HSPA12A: variants seen among roughly 807,000 people sequenced by gnomAD.
The protein encoded by HSPA12A is heat shock protein family A (Hsp70) member 12A.
Under a neutral mutation model 69.2 loss-of-function variants are expected in HSPA12A, and 28 were observed. That is an observed-to-expected ratio of 0.40 (90% CI 0.30 to 0.55). The LOEUF is 0.55. HSPA12A is among the 20% of genes least tolerant of loss of function. HSPA12A has a pLI of 0.38. For missense variants in HSPA12A, 686 were observed against 900.7 expected (o/e 0.76, Z 3.05); for synonymous variants, 345 against 370.5 (o/e 0.93, Z 0.79).
At chr10:116,727,232 G>A (rs945198986) in intron 1 of HSPA12A, among the ~76,000 whole-genome samples, 13 of 152,130 alleles carry the variant, frequency 8.5e-5, no homozygotes, top group African/African-American at 3.1e-4. Context: ...CTCACCTGGG[G>A]TCAACTCATA....
At chr10:116,701,488 A>G (rs1850074419) in intron 3 of HSPA12A, among the ~76,000 whole-genome samples, 1 of 152,248 alleles carries the variant, frequency 6.6e-6, no homozygotes, top group Admixed American at 6.5e-5. Context: ...CAAGCACTCA[A>G]TAGCAGATAT....
chr10:116,823,333 T>C (rs1334014646), intron 2 of HSPA12A, among the ~76,000 whole-genome samples: 2 of 152,158 alleles, frequency 1.3e-5, no homozygotes, highest in Non-Finnish European at 2.9e-5. Context: ...GGTTCATGGA[T>C]GAGAAGATTT....
intron 10 of HSPA12A, among the ~76,000 whole-genome samples, chr10:116,679,276 A>G (rs1386759961): frequency 6.6e-6 from 1 of 152,236 alleles, no homozygotes; most frequent in Non-Finnish European, 1.5e-5. Flanking sequence ...AGCACCCAAC[A>G]TGTATGAATT....
At chr10:116,815,404 T>C (rs1159895811) in intron 2 of HSPA12A, among the ~76,000 whole-genome samples, 1 of 152,038 alleles carries the variant, frequency 6.6e-6, no homozygotes, top group Admixed American at 6.6e-5. Flanking sequence ...CATTTCCACA[T>C]GTAATTTTCT....
chr10:116,763,267 T>C (rs914129239), intron 2 of HSPA12A, among the ~76,000 whole-genome samples: 9 of 152,216 alleles, frequency 5.9e-5, no homozygotes, highest in Non-Finnish European at 1.3e-4. Context: ...TTTGCTTTTC[T>C]ATCTCAATGT....
intron 1 of HSPA12A, among the ~76,000 whole-genome samples, chr10:116,842,194 T>G (rs1845812989): frequency 6.6e-6 from 1 of 152,186 alleles, no homozygotes; most frequent in African/African-American, 2.4e-5. Flanking sequence ...TTATTAATAC[T>G]CATTCAAGTG....
At chr10:116,696,134 A>T (rs1554880864) in intron 5 of HSPA12A, among the ~76,000 whole-genome samples, 1 of 152,030 alleles carries the variant, frequency 6.6e-6, no homozygotes, top group Non-Finnish European at 1.5e-5. Flanking sequence ...CTCACCAGAC[A>T]CCAAACCCAC....
At chr10:116,691,055 C>G (rs1457469686) in intron 6 of HSPA12A, among the ~76,000 whole-genome samples, 3 of 152,212 alleles carry the variant, frequency 2.0e-5, no homozygotes, top group African/African-American at 7.2e-5. Flanking sequence ...AATGGCTAAA[C>G]TGCATTTTGT....
chr10:116,835,742 A>G (rs1245987607), intron 1 of HSPA12A, among the ~76,000 whole-genome samples: 1 of 152,206 alleles, frequency 6.6e-6, no homozygotes, highest in African/African-American at 2.4e-5. Context: ...TTGGAATGCA[A>G]GAATTCAGCT....
In HSPA12A at chr10:116,735,546, G is replaced by A. The variant is rs942667339; in HGVS notation, c.40+6884C>T. ...ACCATGTGGAGAACGAAGCCCAGCCGACAGCCAGCACCAACCCCCAGACCT... is the reference window on the plus strand; with the variant it reads ...ACCATGTGGAGAACGAAGCCCAGCCAACAGCCAGCACCAACCCCCAGACCT... On this transcript the variant is annotated intron_variant, in intron 1 of 11. Transcript: ENST00000369209. 2.0e-5 allele frequency among the ~76,000 whole-genome samples: 3 copies of A among 152,132 alleles called. 1 individual carries two copies. The highest frequency in any genetic ancestry group is 4.4e-5 in the Non-Finnish European group (3 of 68,024).
intron 1 of HSPA12A, among the ~76,000 whole-genome samples, chr10:116,712,288 C>T (rs910544582): frequency 2.6e-5 from 4 of 152,112 alleles, no homozygotes; most frequent in South Asian, 4.2e-4. Flanking sequence ...CACCCCAACA[C>T]ATTAAACAAT....
intron 1 of HSPA12A, among the ~76,000 whole-genome samples, chr10:116,740,326 G>T (rs183236006): frequency 6.6e-6 from 1 of 152,302 alleles, no homozygotes; most frequent in East Asian, 1.9e-4. Context: ...CAGCAATGAG[G>T]AAACCTTAGA....
At chr10:116,846,330 TC>T (rs1845881007) in intron 1 of HSPA12A, among the ~76,000 whole-genome samples, 4 of 150,502 alleles carry the variant, frequency 2.7e-5, no homozygotes, top group Admixed American at 2.0e-4. Context: ...ATTTTTCTTT[TC>T]TTTTTTTTTT....
chr10:116,827,105 A>G (rs1320667401), intron 2 of HSPA12A, among the ~76,000 whole-genome samples: 1 of 152,194 alleles, frequency 6.6e-6, no homozygotes, highest in Non-Finnish European at 1.5e-5. Flanking sequence ...ACCCACACAC[A>G]CTGGGGAAAA....
At chr10:116,684,437 C>A (rs868967318) in intron 6 of HSPA12A, among the ~76,000 whole-genome samples, 1 of 152,168 alleles carries the variant, frequency 6.6e-6, no homozygotes, top group East Asian at 1.9e-4. Context: ...CAAATCGGAG[C>A]AAACCCCTAT....
intron 1 of HSPA12A, among the ~76,000 whole-genome samples, chr10:116,740,676 CTGTG>C (rs58266278): frequency 8.4e-4 from 77 of 92,190 alleles, no homozygotes; most frequent in East Asian, 1.1e-3. Flanking sequence ...GTGTGTGTGT[CTGTG>C]TGTGTGTGTG....
intron 2 of HSPA12A, among the ~76,000 whole-genome samples, chr10:116,813,179 G>A (rs1159657290): frequency 1.3e-5 from 2 of 151,794 alleles, no homozygotes; most frequent in East Asian, 3.9e-4. Context: ...AAGAGCTAAG[G>A]TCCTGAGGAA....
At chr10:116,730,669 GC>G in intron 1 of HSPA12A, among the ~76,000 whole-genome samples, 1 of 152,332 alleles carries the variant, frequency 6.6e-6, no homozygotes, top group Non-Finnish European at 1.5e-5. Flanking sequence ...GGACTGCCTG[GC>G]CCTGGGTGAC....
At chr10:116,842,820 T>G (rs1223303790) in intron 1 of HSPA12A, among the ~76,000 whole-genome samples, 2 of 152,228 alleles carry the variant, frequency 1.3e-5, no homozygotes, top group East Asian at 3.9e-4. Flanking sequence ...CCAGGCTGGT[T>G]TTGAACTCCC....
Sources: allele counts gnomAD v4.1 joint callset (sites outside exome capture counted in the v4.1 genomes callset), GRCh38; gene constraint gnomAD v4.1.1; transcripts MANE v1.5; gene names NCBI Gene and HGNC (gene_info 2026-07-23, HGNC 2026-07-21).